Variants in ZNF282 observed in about 807,000 individuals in gnomAD.
ZNF282 encodes the protein HTLV-I U5 repressive element-binding protein 1.
In ZNF282, 30 loss-of-function variants were observed where a neutral mutation model predicts 61.9. That is an observed-to-expected ratio of 0.48 (90% CI 0.36 to 0.66). ZNF282 has a LOEUF of 0.66. ZNF282 is among the 30% of genes least tolerant of loss of function. ZNF282 has a pLI of 0.00. For missense variants in ZNF282, 788 were observed against 941.4 expected, an observed-to-expected ratio of 0.84 and a Z score of 2.13; for synonymous variants, 396 against 405.0, an observed-to-expected ratio of 0.98 and a Z score of 0.27.
In ZNF282 at chr7:149,224,278, T is replaced by C; in HGVS notation, c.1647T>C (p.Ala549=). ...CCAAGGAGCGGCCCTACGAGTGCGC[T>C]GAGTGCGAGAAGAGCTTCAACTGCC... ...SHTKERPYEC[A]ECEKSFNCHS... is the part of the protein sequence containing the mutation. Residue 549 remains alanine (A), a synonymous_variant, in exon 8 of 8, where the codon GCT becomes GCC. Transcript: ENST00000610704. The C allele has an allele frequency of 6.2e-7, 1 of 1,612,086 alleles. No individual in the cohort carries two copies. The highest frequency in any genetic ancestry group is 8.5e-7 in the Non-Finnish European group (1 of 1,179,682).
rs1402216155 is a variant in ZNF282 at position 149,213,729 on chromosome 7, GT to G, written c.1096del (p.Ser366HisfsTer24). 6.2e-7 allele frequency: 1 copy of G among 1,613,730 alleles called. No individual in the cohort carries two copies. The highest frequency in any genetic ancestry group is 1.3e-5 in the African/African-American group (1 of 74,852). ...CTCTCATCTCAGCACATGACATTTTGTCATGGATCAAGCAGGAGGAGCAGCC... is the reference window on the plus strand; with the variant it reads ...CTCTCATCTCAGCACATGACATTTTGCATGGATCAAGCAGGAGGAGCAGCC... Reference protein sequence around the residue: ...ESLISAHDILSWIKQEEQPYP... With the variant: ...ESLISAHDILXWIKQEEQPYP... On this transcript the variant is annotated frameshift_variant, in exon 7 of 8. Transcript: ENST00000610704. LOFTEE classifies it high-confidence loss of function.
intron 6 of ZNF282, among the ~76,000 whole-genome samples, 190 bp downstream of exon 6, chr7:149,212,661 A>C (rs1585569678): frequency 6.6e-6 from 1 of 152,090 alleles, no homozygotes; most frequent in South Asian, 2.1e-4. Flanking sequence ...GCTCACCGCA[A>C]CCTCCGTTTC....
rs1378729046 is a variant in ZNF282, at chr7:149,217,760, C to CCTGA, written c.1180+3951_1180+3954dup. On this transcript the variant is annotated intron_variant, in intron 7 of 7. Transcript: ENST00000610704. ...GAAAGGCCTCCGAGGGGAAGCGGTG[C>CCTGA]CTGACTGAGTGTGCCCTTGGCAGTG... Among the ~76,000 whole-genome samples the CCTGA allele has an allele frequency of 3.3e-5, 5 of 152,062 alleles. No homozygotes were observed. In the South Asian group the frequency reaches 8.3e-4, roughly 25 times the overall value.
intron 7 of ZNF282, among the ~76,000 whole-genome samples, chr7:149,220,110 G>A (rs1451950982): frequency 6.6e-6 from 1 of 152,020 alleles, no homozygotes; most frequent in Non-Finnish European, 1.5e-5. Flanking sequence ...GATTCAAACT[G>A]CCTTAAAGAA....
At chr7:149,207,840 G>A (rs939645229) in intron 4 of ZNF282, among the ~76,000 whole-genome samples, 12 of 152,202 alleles carry the variant, frequency 7.9e-5, no homozygotes, top group Non-Finnish European at 1.8e-4. Flanking sequence ...GTTTCGCCCC[G>A]GCCCGTCGCT....
At chr7:149,220,945 G>T (rs1796239157) in intron 7 of ZNF282, among the ~76,000 whole-genome samples, 1 of 140,384 alleles carries the variant, frequency 7.1e-6, no homozygotes, top group Non-Finnish European at 1.5e-5. Flanking sequence ...TTTGAGATAA[G>T]GTTTCACTCT....
chr7:149,223,978 C>T lies in ZNF282; in HGVS notation c.1347C>T (p.Asp449=). ...PGGPPSRGLL[D]DGFQVLPGER... is the part of the protein sequence containing the mutation. ...GCCCCCCGAGCCGAGGGCTGCTGGA[C>T]GACGGTTTCCAGGTGCTGCCCGGGG... Residue 449 remains aspartate (D), a synonymous_variant, in exon 8 of 8, where the codon GAC becomes GAT. Transcript: ENST00000610704. 3.1e-6 allele frequency: 4 copies of T among 1,275,284 alleles called. No homozygotes were observed. The highest frequency in any genetic ancestry group is 3.2e-5 in the East Asian group (1 of 31,178). 79.0% of individuals were successfully genotyped at this position (1,275,284 alleles called of 1,614,324 possible).
At chr7:149,204,262 C>T (rs1286501320) in intron 2 of ZNF282, among the ~76,000 whole-genome samples, 1 of 152,118 alleles carries the variant, frequency 6.6e-6, no homozygotes, top group Non-Finnish European at 1.5e-5. Context: ...TCGAAGAGGT[C>T]AGAATTGTTG....
Position 149,224,769 on chromosome 7 carries a change from GGGGGTCCCCCAGGGTGGGGCA to G in ZNF282, c.*126_*146del. 1 of 1,417,710 alleles carries G rather than the reference GGGGGTCCCCCAGGGTGGGGCA, an allele frequency of 7.1e-7. No individual in the cohort carries two copies. Among genetic ancestry groups the G allele is most frequent in the Non-Finnish European group, 9.2e-7 (1 of 1,084,148 alleles). 87.8% of individuals were successfully genotyped at this position (1,417,710 alleles called of 1,614,324 possible). ...CGGCAACAGGCATTGCACTCCGGTT[GGGGGTCCCCCAGGGTGGGGCA>G]GGGATCCCCCAGATCTGTCTGGTCT... On this transcript the variant is annotated 3_prime_UTR_variant, in exon 8 of 8. Transcript: ENST00000610704.
rs1481476069 is a variant in ZNF282, at chr7:149,225,221, G to C, written c.*574G>C. The C allele has an allele frequency of 6.4e-6, 1 of 155,196 alleles. No homozygotes were observed. Among genetic ancestry groups the C allele is most frequent in the Non-Finnish European group, 1.4e-5 (1 of 69,810 alleles). The allele number at this position is 155,196 out of a possible 1,614,324, so 9.6% of individuals were successfully genotyped here. A position where few individuals can be genotyped will look rare whatever the true frequency, so the allele number is the denominator to read the frequency against. On this transcript the variant is annotated 3_prime_UTR_variant, in exon 8 of 8. Transcript: ENST00000610704. Reference sequence around the variant, plus strand: ...GAGTAAAGTGAGAGGCAGGTGAGACGGTTCACCCAATCACACGGGAAGGGG... The same window carrying C: ...GAGTAAAGTGAGAGGCAGGTGAGACCGTTCACCCAATCACACGGGAAGGGG...
intron 2 of ZNF282, among the ~76,000 whole-genome samples, chr7:149,199,700 A>G (rs923114080): frequency 6.6e-6 from 1 of 152,134 alleles, no homozygotes; most frequent in African/African-American, 2.4e-5. Context: ...TCAAATAAAA[A>G]TAGACAGAAT....
chr7:149,216,179 G>T lies in ZNF282; in HGVS notation c.1180+2365G>T, dbSNP rs535341817. Among the ~76,000 whole-genome samples the T allele has an allele frequency of 3.4e-3, 520 of 152,260 alleles. 6 individuals carry two copies. The highest frequency in any genetic ancestry group is 0.012 in the African/African-American group (492 of 41,550). The stretch of plus-strand genomic sequence containing the variant: ...AGTGGTGTGATCCTGGCTCACTGCA[G>T]CCTCCATCTCCTAGGTTCAAGTGAT... On this transcript the variant is annotated intron_variant, in intron 7 of 7. Transcript: ENST00000610704.
At chr7:149,221,816 A>C (rs1796257379) in intron 7 of ZNF282, among the ~76,000 whole-genome samples, 1 of 152,064 alleles carries the variant, frequency 6.6e-6, no homozygotes, top group African/African-American at 2.4e-5. Flanking sequence ...TCAAACACCA[A>C]CGAATATAGG....
In ZNF282 at chr7:149,198,266, C is replaced by G. The variant is rs1795850487; in HGVS notation, c.166-67C>G. The G allele has an allele frequency of 3.9e-6, 6 of 1,523,356 alleles. No homozygotes were observed. In the Admixed American group the frequency reaches 1.2e-4, roughly 32 times the overall value. The allele number at this position is 1,523,356 out of a possible 1,614,324, so 94.4% of individuals were successfully genotyped here. ...AGCATCTGATTAGTTGACCCCTGTT[C>G]CCAGCTGACTTCCCCGGCTCACACA... On this transcript the variant is annotated intron_variant, in intron 1 of 7. Coordinates refer to ENST00000610704, the MANE Select transcript of ZNF282 (RefSeq NM_003575.4). This position sits in a 1 kb window ranked among gnomAD's most constrained non-coding sequence, Gnocchi z 4.3.
At chr7:149,195,873 C>T in intron 1 of ZNF282, 119 bp downstream of exon 1, 1 of 958,126 alleles carries the variant, frequency 1.0e-6, no homozygotes, top group Non-Finnish European at 1.3e-6. Flanking sequence ...AGCTTCCGCG[C>T]CCAGGCGAGG....
intron 6 of ZNF282, among the ~76,000 whole-genome samples, chr7:149,212,916 A>G (rs1796110055): frequency 6.6e-6 from 1 of 152,244 alleles, no homozygotes; most frequent in Admixed American, 6.5e-5. Flanking sequence ...AAAAACAACC[A>G]AAAAGCATCT....
chr7:149,206,598 G>A lies in ZNF282; in HGVS notation c.586-98G>A, dbSNP rs963629172. ...TGGGGAGCCACGGAGAGCAAAGGCC[G>A]GGCTTTGGTGGGGAGTGGGTCTTGT... On this transcript the variant is annotated intron_variant, in intron 2 of 7. Transcript: ENST00000610704. 2.5e-5 allele frequency: 39 copies of A among 1,572,512 alleles called. No homozygotes were observed. The Admixed American group carries it at 3.8e-4, about 15-fold the overall frequency.
At chr7:149,222,222 T>C (rs193091648) in intron 7 of ZNF282, among the ~76,000 whole-genome samples, 24 of 152,230 alleles carry the variant, frequency 1.6e-4, no homozygotes, top group African/African-American at 5.5e-4. Flanking sequence ...CCTGGGGTGG[T>C]AGGTTGGGTG....
At chr7:149,196,559 C>T (rs1011278281) in intron 1 of ZNF282, among the ~76,000 whole-genome samples, 2 of 152,166 alleles carry the variant, frequency 1.3e-5, no homozygotes, top group African/African-American at 4.8e-5. Context: ...CACCCTGGGG[C>T]TGGGCTGCTC....
Sources: gnomAD v4.1 joint callset for allele counts (sites outside exome capture counted in the v4.1 genomes callset) on GRCh38, gnomAD v4.1.1 for gene constraint, Gnocchi (gnomAD v3.1) non-coding constraint, MANE v1.5 for transcripts, NCBI Gene and HGNC (gene_info 2026-07-23, HGNC 2026-07-21) for gene names.